STATH: variants seen among roughly 807,000 people sequenced by gnomAD.
The protein encoded by STATH is statherin.
Under a neutral mutation model 13.3 loss-of-function variants are expected in STATH, and 11 were observed. The ratio of observed to expected loss-of-function variants is 0.83; its 90% CI spans 0.52 to 1.37. STATH has a LOEUF of 1.37. Ranked by LOEUF, STATH falls within the 40% of genes most tolerant of loss-of-function variation. STATH has a pLI of 0.00. For missense variants in STATH, 78 were observed against 73.3 expected (o/e 1.06, Z -0.24); for synonymous variants, 25 against 23.6 (o/e 1.06, Z -0.17).
At chr4:69,997,599 A>G (rs1479486257) in intron 1 of STATH, among the ~76,000 whole-genome samples, 9 of 152,196 alleles carry the variant, frequency 5.9e-5, no homozygotes, top group African/African-American at 2.2e-4. Flanking sequence ...TTTAATAACA[A>G]AGGAACTGGG....
At chr4:70,000,190 G>A (rs751318116) in intron 4 of STATH, 15 of 186,402 alleles carry the variant, frequency 8.0e-5, no homozygotes, top group South Asian at 5.4e-4. Flanking sequence ...TTTTTTTGAC[G>A]GTGATAAACT....
At chr4:69,999,882 C>T (rs377190127) in intron 4 of STATH, 73 bp downstream of exon 4, 10 of 1,540,012 alleles carry the variant, frequency 6.5e-6, no homozygotes, top group African/African-American at 1.4e-5. Flanking sequence ...TCTAGAAGAA[C>T]CAATACTTAT....
chr4:70,001,129 A>G lies in STATH; in HGVS notation c.*33+147A>G, dbSNP rs955424101. 3.2e-5 allele frequency: 16 copies of G among 503,280 alleles called. No individual in the cohort carries two copies. In the African/African-American group the frequency reaches 5.2e-4, roughly 16 times the overall value. 31.2% of individuals were successfully genotyped at this position (503,280 alleles called of 1,614,324 possible). ...ATAGCTCCTTGAAATGTATTAATTT[A>G]TATAAATGCTTCTGAGATAGTCTCT... On this transcript the variant is annotated intron_variant, in intron 5 of 5. Coordinates refer to ENST00000246895, the MANE Select transcript of STATH (RefSeq NM_003154.3).
intron 4 of STATH, 117 bp downstream of exon 4, chr4:69,999,926 C>A: frequency 8.8e-7 from 1 of 1,142,000 alleles, no homozygotes; most frequent in Non-Finnish European, 1.3e-6. Context: ...CAAAAGTGTG[C>A]TTTGTTTTCC....
chr4:69,999,637 T>C, intron 2 of STATH, 30 bp from the exon 3 acceptor site: 2 of 1,603,350 alleles, frequency 1.2e-6, no homozygotes, highest in Non-Finnish European at 1.7e-6. Context: ...ATTAAGATAC[T>C]AACTATTGTC....
At chr4:69,998,711 T>C in intron 2 of STATH, 1 of 358,968 alleles carries the variant, frequency 2.8e-6, no homozygotes, top group Non-Finnish European at 5.0e-6. Flanking sequence ...TTTAGCTTAG[T>C]GTGAAATAAA....
chr4:70,000,334 A>C (rs1724622396), intron 4 of STATH: 1 of 160,388 alleles, frequency 6.2e-6, no homozygotes, highest in South Asian at 1.7e-4. Flanking sequence ...AAGATCCCCT[A>C]ACTAATATAG....
rs1158899375 is a variant in STATH at position 69,998,496 on chromosome 4, T to C, written c.51+8T>C. 1.9e-6 allele frequency: 3 copies of C among 1,609,964 alleles called. No individual in the cohort carries two copies. The highest frequency in any genetic ancestry group is 1.7e-5 in the Admixed American group (1 of 59,796). ...CTCATGGTTTCCATGATTGTAAGTATATCAGGACATTTGAAGAATATGTTC... is the reference window on the plus strand; with the variant it reads ...CTCATGGTTTCCATGATTGTAAGTACATCAGGACATTTGAAGAATATGTTC... On this transcript the variant is annotated splice_region_variant and intron_variant, in intron 2 of 5. Coordinates refer to ENST00000246895, the MANE Select transcript of STATH (RefSeq NM_003154.3).
intron 4 of STATH, chr4:70,000,135 G>A (rs935197378): frequency 3.9e-6 from 1 of 258,582 alleles, no homozygotes; most frequent in Non-Finnish European, 7.4e-6. Flanking sequence ...GGAGCATAAA[G>A]GCTGATAATT....
At chr4:69,996,971 C>CT (rs1724523250) in intron 1 of STATH, among the ~76,000 whole-genome samples, 1 of 117,954 alleles carries the variant, frequency 8.5e-6, no homozygotes, top group Admixed American at 1.1e-4. Context: ...GAGTTTCGCT[C>CT]TTGTTGCCCA....
intron 1 of STATH, among the ~76,000 whole-genome samples, chr4:69,997,007 G>A (rs1452500619): frequency 6.7e-6 from 1 of 149,010 alleles, no homozygotes; most frequent in African/African-American, 2.5e-5. Flanking sequence ...GTGCAATCTC[G>A]GCTCACCGCA....
intron 1 of STATH, among the ~76,000 whole-genome samples, chr4:69,996,526 T>A (rs1044209468): frequency 1.3e-5 from 2 of 152,186 alleles, no homozygotes; most frequent in Non-Finnish European, 2.9e-5. Context: ...TTCTGCATAA[T>A]AAAAAATGTT....
At chr4:70,001,278 C>T (rs374373942) in intron 5 of STATH, among the ~76,000 whole-genome samples, 1 of 151,682 alleles carries the variant, frequency 6.6e-6, no homozygotes, top group Non-Finnish European at 1.5e-5. Flanking sequence ...TCAGTTTTCT[C>T]GTCAAAAAAT....
At chr4:69,998,840 T>C in intron 2 of STATH, 1 of 168,628 alleles carries the variant, frequency 5.9e-6, no homozygotes, top group Non-Finnish European at 1.3e-5. Flanking sequence ...TAGGTGCACT[T>C]GAGTGGAATT....
At position 69,999,820 on chromosome 4, in the gene STATH, T is replaced by G. The variant is rs767744699; in HGVS notation, c.102+11T>G. On this transcript the variant is annotated intron_variant, in intron 4 of 5. Coordinates refer to ENST00000246895, the MANE Select transcript of STATH (RefSeq NM_003154.3). ...ATTGGAAGATTCGGTGTAAGTGTTC[T>G]CTGATAATGCTGTGTAGTCCAAATA... 4 of 1,611,660 alleles carry G rather than the reference T, an allele frequency of 2.5e-6. No individual in the cohort carries two copies. The East Asian group carries it at 8.9e-5, about 36-fold the overall frequency.
chr4:70,000,231 A>T (rs1724619238), intron 4 of STATH: 1 of 167,464 alleles, frequency 6.0e-6, no homozygotes, highest in Non-Finnish European at 1.3e-5. Flanking sequence ...GATAAATGAG[A>T]TAGCAAATTT....
At chr4:70,000,780 A>G in intron 4 of STATH, 83 bp from the exon 5 acceptor site, 2 of 997,238 alleles carry the variant, frequency 2.0e-6, no homozygotes, top group Non-Finnish European at 3.1e-6. Context: ...CTAAAACTTT[A>G]ACAATCTAAG....
intron 5 of STATH, among the ~76,000 whole-genome samples, chr4:70,001,211 C>T (rs1724658217): frequency 6.6e-6 from 1 of 151,718 alleles, no homozygotes; most frequent in Non-Finnish European, 1.5e-5. Flanking sequence ...GGTTTGTATG[C>T]TGGCCCTGAC....
chr4:70,001,977 A>G (rs1724681945), intron 5 of STATH, among the ~76,000 whole-genome samples: 1 of 151,828 alleles, frequency 6.6e-6, no homozygotes, highest in South Asian at 2.1e-4. Context: ...AAAATAATTT[A>G]AATTGTAGAT....
Sources: gnomAD v4.1 joint callset for allele counts (sites outside exome capture counted in the v4.1 genomes callset) on GRCh38, gnomAD v4.1.1 for gene constraint, MANE v1.5 for transcripts, NCBI Gene and HGNC (gene_info 2026-07-23, HGNC 2026-07-21) for gene names.